The following MMP16 variants were observed in gnomAD, a reference collection of about 807,000 sequenced individuals.
MMP16 encodes matrix metallopeptidase 16.
In MMP16, 12 loss-of-function variants were observed where a neutral mutation model predicts 67.8. The observed-to-expected ratio is 0.18, with a 90% CI of 0.11 to 0.29. The LOEUF (loss-of-function observed/expected upper bound fraction) is 0.29, where lower values mean the gene tolerates loss of function less well. Among genes scored for constraint, MMP16 ranks in the 10% least tolerant of loss-of-function variants. MMP16 has a pLI of 1.00. For synonymous variants in MMP16, 249 were observed against 255.9 expected (o/e 0.97, Z 0.26); for missense variants, 475 against 765.7 (o/e 0.62, Z 4.48).
At chr8:88,143,069 C>T (rs1273610916) in intron 4 of MMP16, among the ~76,000 whole-genome samples, 3 of 151,914 alleles carry the variant, frequency 2.0e-5, no homozygotes, top group Non-Finnish European at 4.4e-5. Flanking sequence ...CCCATTATGT[C>T]AAATCTAAAA....
intron 1 of MMP16, among the ~76,000 whole-genome samples, chr8:88,325,271 C>A (rs1811518972): frequency 6.6e-6 from 1 of 152,090 alleles, no homozygotes; most frequent in South Asian, 2.1e-4. Flanking sequence ...TAAAGAAATA[C>A]AATCTTTTAT....
intron 6 of MMP16, among the ~76,000 whole-genome samples, chr8:88,110,066 T>A (rs1291272180): frequency 6.6e-6 from 1 of 151,290 alleles, no homozygotes; most frequent in Non-Finnish European, 1.5e-5. Context: ...TAATAAAATA[T>A]ATCCAAAATT....
intron 1 of MMP16, among the ~76,000 whole-genome samples, chr8:88,255,899 T>C (rs890252652): frequency 3.3e-5 from 5 of 152,224 alleles, no homozygotes; most frequent in Non-Finnish European, 5.9e-5. Flanking sequence ...TCTGCAGTCA[T>C]GGCTTTAGGG....
chr8:88,153,217 G>A (rs1344262328), intron 4 of MMP16, among the ~76,000 whole-genome samples: 2 of 151,336 alleles, frequency 1.3e-5, no homozygotes, highest in Non-Finnish European at 2.9e-5. Context: ...AATAAAAGAG[G>A]ATACAAACAA....
intron 2 of MMP16, among the ~76,000 whole-genome samples, chr8:88,187,166 C>T (rs1206787172): frequency 6.6e-6 from 1 of 152,122 alleles, no homozygotes; most frequent in African/African-American, 2.4e-5. Context: ...GTAGCAGCCA[C>T]TTGCTTTGAA....
chr8:88,211,513 T>C (rs1809512653), intron 1 of MMP16, among the ~76,000 whole-genome samples: 1 of 152,094 alleles, frequency 6.6e-6, no homozygotes, highest in Admixed American at 6.6e-5. Flanking sequence ...AAGTGTACAA[T>C]GATAAAGCTC....
intron 1 of MMP16, among the ~76,000 whole-genome samples, chr8:88,274,304 C>G (rs1810611385): frequency 6.6e-6 from 1 of 152,028 alleles, no homozygotes; most frequent in Admixed American, 6.6e-5. Context: ...TTTAAATATG[C>G]TTCTAAGGGA....
At chr8:88,286,049 G>A (rs1459809267) in intron 1 of MMP16, among the ~76,000 whole-genome samples, 1 of 152,124 alleles carries the variant, frequency 6.6e-6, no homozygotes, top group Non-Finnish European at 1.5e-5. Context: ...CAAAAAGTCA[G>A]TAACAGGTCT....
chr8:88,181,330 G>C (rs1808977224), intron 3 of MMP16, among the ~76,000 whole-genome samples: 1 of 152,014 alleles, frequency 6.6e-6, no homozygotes, highest in Non-Finnish European at 1.5e-5. Flanking sequence ...AGCAATTATA[G>C]TAAAGTTGCA....
chr8:88,312,776 C>T (rs1811315042), intron 1 of MMP16, among the ~76,000 whole-genome samples: 1 of 152,066 alleles, frequency 6.6e-6, no homozygotes, highest in Non-Finnish European at 1.5e-5. Flanking sequence ...AGAGACCAGC[C>T]TGACCAACAC....
rs952602138 is a variant in MMP16, at chr8:88,162,294, T to C, written c.709+5375A>G. ...TGATTACCAGTGTTGTAAAATGAAA[T>C]AGACTCAGTAAAATGAAGCTCATTC... On this transcript the variant is annotated intron_variant, in intron 4 of 9. Transcript: ENST00000286614. 1.3e-4 allele frequency among the ~76,000 whole-genome samples: 20 copies of C among 152,020 alleles called. No homozygotes were observed. The South Asian group carries it at 3.1e-3, about 24-fold the overall frequency.
chr8:88,285,265 G>A (rs555033026), intron 1 of MMP16, among the ~76,000 whole-genome samples: 2 of 151,864 alleles, frequency 1.3e-5, no homozygotes, highest in Non-Finnish European at 2.9e-5. Flanking sequence ...TCAGCCTCCC[G>A]AGTAGCTGGG....
chr8:88,116,421 G>C, intron 6 of MMP16, 86 bp downstream of exon 6: 1 of 1,143,546 alleles, frequency 8.7e-7, no homozygotes, highest in Non-Finnish European at 1.3e-6. Context: ...TGGGAAGGTA[G>C]TGTTAGAATG....
rs369824981 is a variant in MMP16, at chr8:88,115,497, C to A, written c.1083+1010G>T. Among the ~76,000 whole-genome samples the A allele has an allele frequency of 2.0e-5, 3 of 151,888 alleles. No individual in the cohort carries two copies. The East Asian group carries it at 5.8e-4, about 29-fold the overall frequency. On this transcript the variant is annotated intron_variant, in intron 6 of 9. Coordinates refer to ENST00000286614, the MANE Select transcript of MMP16 (RefSeq NM_005941.5). ...CATGATGCTTTTATGCATATTATAT[C>A]GAATCCAGATCTTATTTTTCAAAAA...
At chr8:88,317,410 T>G (rs1811390400) in intron 1 of MMP16, among the ~76,000 whole-genome samples, 1 of 152,190 alleles carries the variant, frequency 6.6e-6, no homozygotes, top group Non-Finnish European at 1.5e-5. Flanking sequence ...TGAATGGTCC[T>G]TTAACAATTA....
chr8:88,226,208 A>C (rs1286213050), intron 1 of MMP16, among the ~76,000 whole-genome samples: 1 of 151,952 alleles, frequency 6.6e-6, no homozygotes, highest in African/African-American at 2.4e-5. Context: ...TTCAGGTGAA[A>C]GTGAGAATTA....
intron 3 of MMP16, among the ~76,000 whole-genome samples, chr8:88,184,743 T>C (rs1379377457): frequency 3.1e-5 from 1 of 32,352 alleles, no homozygotes; most frequent in Non-Finnish European, 5.2e-5. Context: ...TGAGGCCCTG[T>C]CTCAAAAAAA....
chr8:88,245,485 A>G (rs576009233), intron 1 of MMP16, among the ~76,000 whole-genome samples: 11 of 152,302 alleles, frequency 7.2e-5, no homozygotes, highest in African/African-American at 2.6e-4. Flanking sequence ...GTGAAGAGAA[A>G]TGCATTACCA....
chr8:88,275,734 T>C (rs1370199426), intron 1 of MMP16, among the ~76,000 whole-genome samples: 1 of 151,942 alleles, frequency 6.6e-6, no homozygotes, highest in African/African-American at 2.4e-5. Context: ...CTGGGTCTAA[T>C]AAACTACATC....
Sources: gnomAD v4.1 joint callset for allele counts (sites outside exome capture counted in the v4.1 genomes callset) on GRCh38, gnomAD v4.1.1 for gene constraint, MANE v1.5 for transcripts, NCBI Gene and HGNC (gene_info 2026-07-23, HGNC 2026-07-21) for gene names.